The following ARHGEF18 variants were observed in gnomAD, a reference collection of about 807,000 sequenced individuals.
ARHGEF18 encodes rho guanine nucleotide exchange factor 18.
A neutral mutation model predicts 155.7 loss-of-function variants in ARHGEF18; 93 were observed. The observed-to-expected ratio is 0.60, with a 90% CI of 0.50 to 0.71. ARHGEF18 has a LOEUF of 0.71. Ranked by LOEUF, ARHGEF18 falls within the 30% of genes least tolerant of loss-of-function variation. The pLI is 0.00. For missense variants in ARHGEF18, 1,593 were observed against 1,816.1 expected (o/e 0.88, Z 2.23); for synonymous variants, 742 against 753.1 (o/e 0.99, Z 0.24).
At chr19:7,371,999 C>T (rs776826633) in intron 2 of ARHGEF18, among the ~76,000 whole-genome samples, 11 of 152,164 alleles carry the variant, frequency 7.2e-5, no homozygotes, top group Non-Finnish European at 1.6e-4. Context: ...CCCCTTGCCT[C>T]CTGCCGGCAA....
rs945938396 is a variant in ARHGEF18, at chr19:7,472,425, T to C, written c.*2127T>C. On this transcript the variant is annotated 3_prime_UTR_variant, in exon 29 of 29. Transcript: ENST00000668164. Reference sequence around the variant, plus strand: ...ACATTTCCTCACTGCGGGATATTTCTGACCCGCTTTAGAACTTAAGACCTG... The same window carrying C: ...ACATTTCCTCACTGCGGGATATTTCCGACCCGCTTTAGAACTTAAGACCTG... 7.7e-5 allele frequency: 12 copies of C among 156,470 alleles called. No individual in the cohort carries two copies. Among genetic ancestry groups the C allele is most frequent in the African/African-American group, 2.9e-4 (12 of 41,490 alleles). 9.7% of individuals were successfully genotyped at this position (156,470 alleles called of 1,614,324 possible). A position where few individuals can be genotyped will look rare whatever the true frequency, so the allele number is the denominator to read the frequency against.
chr19:7,372,594 G>A (rs930729463), intron 2 of ARHGEF18, among the ~76,000 whole-genome samples: 3 of 152,310 alleles, frequency 2.0e-5, no homozygotes, highest in Admixed American at 2.0e-4. Flanking sequence ...TTTTGTGGGG[G>A]TGAGCTCTTG....
chr19:7,360,771 TTCC>T (rs1488594352), intron 1 of ARHGEF18, among the ~76,000 whole-genome samples: 2 of 152,152 alleles, frequency 1.3e-5, no homozygotes, highest in African/African-American at 4.8e-5. Flanking sequence ...ACATCTGGCT[TTCC>T]TCCTCCTTCA....
chr19:7,448,207 C>T (rs375193294), intron 15 of ARHGEF18, among the ~76,000 whole-genome samples: 15 of 152,162 alleles, frequency 9.9e-5, no homozygotes, highest in South Asian at 4.1e-4. Context: ...TTGGGGATGC[C>T]GTCTGTCTCA....
intron 1 of ARHGEF18, among the ~76,000 whole-genome samples, chr19:7,349,805 C>T (rs960163223): frequency 1.3e-5 from 2 of 152,044 alleles, no homozygotes; most frequent in Non-Finnish European, 2.9e-5. Context: ...GGCCCTCCTG[C>T]GTGGAGACAG....
chr19:7,375,289 GAAA>G (rs774121699), intron 3 of ARHGEF18, among the ~76,000 whole-genome samples: 1 of 107,282 alleles, frequency 9.3e-6, no homozygotes, highest in Admixed American at 9.3e-5. Flanking sequence ...AAAAAAGAAA[GAAA>G]AGAAAGAAAG....
intron 10 of ARHGEF18, among the ~76,000 whole-genome samples, chr19:7,408,987 G>A (rs1275328091): frequency 6.6e-6 from 1 of 151,964 alleles, no homozygotes. Context: ...TTGAGTCCAG[G>A]AGTTCGAGAC....
intron 10 of ARHGEF18, among the ~76,000 whole-genome samples, chr19:7,407,215 A>C (rs1353126149): frequency 6.6e-6 from 1 of 151,752 alleles, no homozygotes; most frequent in Non-Finnish European, 1.5e-5. Context: ...ACCTGAGGTC[A>C]GGAGTTCGAG....
chr19:7,409,338 AAAAAAAAAAG>A (rs1320710581), intron 10 of ARHGEF18, among the ~76,000 whole-genome samples: 1 of 150,844 alleles, frequency 6.6e-6, no homozygotes, highest in Admixed American at 6.6e-5. Flanking sequence ...AAAAAAAAAA[AAAAAAAAAAG>A]ACTTAATGGC....
the ARHGEF18 span, chr19:7,478,428 A>G: frequency 6.4e-7 from 1 of 1,559,304 alleles, no homozygotes; most frequent in Non-Finnish European, 8.7e-7. Flanking sequence ...CAGGAGGGTT[A>G]GCTCCACAAC....
intron 10 of ARHGEF18, among the ~76,000 whole-genome samples, chr19:7,425,551 G>A (rs926204709): frequency 1.3e-5 from 2 of 151,508 alleles, no homozygotes; most frequent in Non-Finnish European, 2.9e-5. Flanking sequence ...GCATGGTGGC[G>A]GGTGCCTGTA....
At chr19:7,473,202 G>A, downstream of ARHGEF18, 1 of 456,230 alleles carries the variant, frequency 2.2e-6, no homozygotes, top group Non-Finnish European at 4.4e-6. Flanking sequence ...GTGAGGCGAG[G>A]ACCCTGCTGT....
chr19:7,376,036 T>A (rs1440701232), intron 4 of ARHGEF18, among the ~76,000 whole-genome samples, 166 bp downstream of exon 4: 1 of 152,024 alleles, frequency 6.6e-6, no homozygotes, highest in African/African-American at 2.4e-5. Flanking sequence ...TGTCTCTGGG[T>A]CCTAGGATTC....
rs547146243 is a variant in ARHGEF18, at chr19:7,383,075, C to T, written c.839C>T (p.Ala280Val). Reference sequence around the variant, plus strand: ...TGTCCCATCCAGGGGAAGAGCCCAGCACATCTGAAGGACAAGGGCCAGGAT... The same window carrying T: ...TGTCCCATCCAGGGGAAGAGCCCAGTACATCTGAAGGACAAGGGCCAGGAT... ...TRQKEKGKSP[A>V]HLKDKGQDAR... is the part of the protein sequence containing the mutation. The change falls in exon 10 of 29, where the codon GCA (alanine) becomes GTA (valine). Residue 280 changes from alanine (A) to valine (V), a missense_variant. By Grantham distance (64) the Ala-to-Val change is moderately conservative. Transcript: ENST00000668164. 58 of 1,232,442 alleles carry T rather than the reference C, an allele frequency of 4.7e-5. No individual in the cohort carries two copies. In the African/African-American group the frequency reaches 7.9e-4, roughly 17 times the overall value. The allele number at this position is 1,232,442 out of a possible 1,614,324, so 76.3% of individuals were successfully genotyped here. A position where few individuals can be genotyped will look rare whatever the true frequency, so the allele number is the denominator to read the frequency against.
chr19:7,438,473 A>G (rs8112153), intron 10 of ARHGEF18, among the ~76,000 whole-genome samples: 60,282 of 149,658 alleles, frequency 0.4, 12,694 homozygotes, highest in East Asian at 0.59. Context: ...GTGCAGTGGC[A>G]CGGTCTCGGC....
rs779951642 is a variant in ARHGEF18 at position 7,466,959 on chromosome 19, C to T, written c.2946C>T (p.Thr982=). 6 of 1,613,376 alleles carry T rather than the reference C, an allele frequency of 3.7e-6. No individual in the cohort carries two copies. The Admixed American group carries it at 6.7e-5, about 18-fold the overall frequency. ...CGGAATCCGATCCCCGTCTGCCCAC[C>T]GTCCTGGAGTCGGAGGTAGGCGCCC... ...PGTESDPRLP[T]VLESELVQRI... The change falls in exon 24 of 29, where the codon ACC becomes ACT. Residue 982 remains threonine, a synonymous_variant. Transcript: ENST00000668164.
intron 2 of ARHGEF18, among the ~76,000 whole-genome samples, chr19:7,365,152 A>G (rs1969828853): frequency 6.6e-6 from 1 of 152,140 alleles, no homozygotes; most frequent in South Asian, 2.1e-4. Flanking sequence ...TAATCACAGC[A>G]CTTTGGGAGG....
chr19:7,467,019 G>C (rs372571933), intron 24 of ARHGEF18, 45 bp downstream of exon 24: 2 of 1,612,328 alleles, frequency 1.2e-6, no homozygotes, highest in Admixed American at 3.3e-5. Flanking sequence ...TTGTGCACGC[G>C]CGTGTGGCCT....
intron 14 of ARHGEF18, 131 bp from the exon 15 acceptor site, chr19:7,446,912 G>C: frequency 1.2e-6 from 1 of 816,696 alleles, no homozygotes; most frequent in Non-Finnish European, 1.6e-6. Context: ...AAAAAAAAAA[G>C]AAGAAGAAAG....
Sources: allele counts gnomAD v4.1 joint callset (sites outside exome capture counted in the v4.1 genomes callset), GRCh38; gene constraint gnomAD v4.1.1; transcripts MANE v1.5; gene names NCBI Gene and HGNC (gene_info 2026-07-23, HGNC 2026-07-21).